The following HLCS variants were observed in gnomAD, a reference collection of about 807,000 sequenced individuals.
HLCS encodes holocarboxylase synthetase.
In HLCS, 53 loss-of-function variants were observed where a neutral mutation model predicts 75.0. The observed-to-expected ratio is 0.71, with a 90% CI of 0.57 to 0.89. HLCS has a LOEUF of 0.89. HLCS is among the 40% of genes least tolerant of loss of function. The pLI, the probability that HLCS is intolerant of heterozygous loss-of-function variation, is 0.00. For missense variants in HLCS, 966 were observed against 1,074.0 expected (o/e 0.90, Z 1.41); for synonymous variants, 431 against 428.6 (o/e 1.01, Z -0.07).
chr21:36,981,887 T>A (rs2069128899), intron 1 of HLCS, among the ~76,000 whole-genome samples: 1 of 152,150 alleles, frequency 6.6e-6, no homozygotes, highest in African/African-American at 2.4e-5. Context: ...ACACACATGA[T>A]GTTAATTAGA....
intron 6 of HLCS, among the ~76,000 whole-genome samples, chr21:36,832,425 G>A (rs1406064834): frequency 1.3e-5 from 2 of 152,200 alleles, no homozygotes; most frequent in African/African-American, 4.8e-5. Flanking sequence ...ACTCAGTTAA[G>A]GGTTGGAAGG....
intron 1 of HLCS, among the ~76,000 whole-genome samples, chr21:36,981,264 G>C (rs2069114591): frequency 1.3e-5 from 2 of 152,240 alleles, no homozygotes; most frequent in South Asian, 4.1e-4. Flanking sequence ...CTCCTGATGG[G>C]TTATTTGATG....
intron 6 of HLCS, among the ~76,000 whole-genome samples, chr21:36,812,268 CAG>C (rs1208623991): frequency 3.9e-5 from 6 of 152,302 alleles, no homozygotes; most frequent in African/African-American, 1.4e-4. Flanking sequence ...TGGGAGGTAA[CAG>C]ATTCTCAACA....
chr21:36,869,758 G>A (rs2063707392), intron 6 of HLCS, among the ~76,000 whole-genome samples: 1 of 152,120 alleles, frequency 6.6e-6, no homozygotes, highest in Admixed American at 6.5e-5. Flanking sequence ...CATCTTAAGT[G>A]TATTGATGTC....
intron 6 of HLCS, among the ~76,000 whole-genome samples, chr21:36,823,385 A>G (rs1159668440): frequency 6.6e-6 from 1 of 152,214 alleles, no homozygotes; most frequent in Non-Finnish European, 1.5e-5. Flanking sequence ...GCCTTTCATT[A>G]TAAGGAACAG....
intron 2 of HLCS, among the ~76,000 whole-genome samples, chr21:36,960,019 C>T (rs1379678683): frequency 6.6e-6 from 1 of 152,042 alleles, no homozygotes; most frequent in Non-Finnish European, 1.5e-5. Context: ...CGGTTCCCAG[C>T]GTCTCCATGC....
At chr21:36,835,749 T>C (rs569618445) in intron 6 of HLCS, among the ~76,000 whole-genome samples, 1 of 152,266 alleles carries the variant, frequency 6.6e-6, no homozygotes, top group African/African-American at 2.4e-5. Flanking sequence ...AGGCATGCCA[T>C]GGAGTAGTCT....
At chr21:36,985,730 C>G (rs2069216470) in intron 1 of HLCS, among the ~76,000 whole-genome samples, 2 of 151,480 alleles carry the variant, frequency 1.3e-5, no homozygotes, top group South Asian at 4.2e-4. Context: ...CGGGCCACTG[C>G]ACTCCAGCCT....
At chr21:36,846,404 C>G (rs912763678) in intron 6 of HLCS, among the ~76,000 whole-genome samples, 2 of 152,146 alleles carry the variant, frequency 1.3e-5, no homozygotes, top group Non-Finnish European at 2.9e-5. Flanking sequence ...GGGACCTCCA[C>G]CAAGACATTT....
chr21:36,986,394 T>C (rs57564744), intron 1 of HLCS, among the ~76,000 whole-genome samples: 39,693 of 152,128 alleles, frequency 0.26, 5,308 homozygotes, highest in South Asian at 0.35. Flanking sequence ...GTCATGACTG[T>C]GTTAGTTGCA....
At chr21:36,800,482 C>T (rs564788096) in intron 6 of HLCS, among the ~76,000 whole-genome samples, 12 of 152,262 alleles carry the variant, frequency 7.9e-5, no homozygotes, top group African/African-American at 2.6e-4. Flanking sequence ...GGCTCCCTGC[C>T]GGTACCGCTC....
At position 36,965,924 on chromosome 21, in the gene HLCS, T is replaced by TTTTTTG. The variant is rs1555973689; in HGVS notation, c.195+519_195+520insCAAAAA. ...TGCCACCACGCCGACCTAAGTGTTTTTTTTGTTTTGTTTTTTGTAGAGAGG... is the reference window on the plus strand; with the variant it reads ...TGCCACCACGCCGACCTAAGTGTTTTTTTTTGTTTTGTTTTGTTTTTTGTAGAGAGG... On this transcript the variant is annotated intron_variant, in intron 1 of 10. Coordinates refer to ENST00000674895, the MANE Select transcript of HLCS (RefSeq NM_001352514.2). 4.1e-4 allele frequency among the ~76,000 whole-genome samples: 61 copies of TTTTTTG among 150,258 alleles called. No homozygotes were observed. In the East Asian group the frequency reaches 4.8e-3, roughly 12 times the overall value.
At chr21:36,954,819 T>C (rs2067852700) in intron 2 of HLCS, among the ~76,000 whole-genome samples, 1 of 152,060 alleles carries the variant, frequency 6.6e-6, no homozygotes, top group South Asian at 2.1e-4. Flanking sequence ...TCCCAGCACT[T>C]TGGGAGGCCG....
chr21:36,827,940 A>G (rs2062065356), intron 6 of HLCS, among the ~76,000 whole-genome samples: 1 of 151,664 alleles, frequency 6.6e-6, no homozygotes, highest in Non-Finnish European at 1.5e-5. Context: ...CAGCCTCCCA[A>G]GTAGCTGGGA....
chr21:36,811,578 G>C (rs1490420466), intron 6 of HLCS, among the ~76,000 whole-genome samples: 1 of 152,184 alleles, frequency 6.6e-6, no homozygotes, highest in South Asian at 2.1e-4. Flanking sequence ...ACAAGCTTCA[G>C]CTTGATACAG....
intron 2 of HLCS, among the ~76,000 whole-genome samples, chr21:36,961,382 G>A (rs565435646): frequency 6.7e-4 from 102 of 152,234 alleles, no homozygotes; most frequent in Admixed American, 1.6e-3. Context: ...GTGACCAGGC[G>A]TGGTGGCTAA....
At chr21:36,846,875 G>C (rs953493847) in intron 6 of HLCS, among the ~76,000 whole-genome samples, 1 of 152,118 alleles carries the variant, frequency 6.6e-6, no homozygotes, top group Non-Finnish European at 1.5e-5. Flanking sequence ...GTCTTGGCTC[G>C]ATTGGTCCAA....
intron 6 of HLCS, among the ~76,000 whole-genome samples, chr21:36,795,590 C>A (rs1333624765): frequency 6.6e-6 from 1 of 152,208 alleles, no homozygotes; most frequent in Non-Finnish European, 1.5e-5. Flanking sequence ...GGCCATGACT[C>A]CTTTACAGCT....
rs185551409 is a variant in HLCS, at chr21:36,829,794, C to A, written c.1893-62509G>T. On this transcript the variant is annotated intron_variant, in intron 6 of 10. Coordinates refer to ENST00000674895, the MANE Select transcript of HLCS (RefSeq NM_001352514.2). The stretch of plus-strand genomic sequence containing the variant: ...TACTTAAGTTCCAGAGTGAAGCCAG[C>A]CCCTCTCCCCGGCCCTCTCCCGCAG... 2.7e-3 allele frequency among the ~76,000 whole-genome samples: 412 copies of A among 152,302 alleles called. 2 individuals carry two copies. Among genetic ancestry groups the A allele is most frequent in the African/African-American group, 8.9e-3 (370 of 41,566 alleles).
Sources: gnomAD v4.1 joint callset for allele counts (sites outside exome capture counted in the v4.1 genomes callset) on GRCh38, gnomAD v4.1.1 for gene constraint, MANE v1.5 for transcripts, NCBI Gene and HGNC (gene_info 2026-07-23, HGNC 2026-07-21) for gene names.